CDS1: variants seen among roughly 807,000 people sequenced by gnomAD.
CDS1 encodes the protein CDP-diacylglycerol synthase 1.
A neutral mutation model predicts 62.1 loss-of-function variants in CDS1; 41 were observed. The observed-to-expected ratio is 0.66, with a 90% CI of 0.51 to 0.86. The LOEUF is 0.86. Among genes scored for constraint, CDS1 ranks in the 40% least tolerant of loss-of-function variants. CDS1 has a pLI of 0.00. For synonymous variants in CDS1, 185 were observed against 192.6 expected (o/e 0.96, Z 0.32); for missense variants, 470 against 550.1 (o/e 0.85, Z 1.46).
At position 84,583,612 on chromosome 4, in the gene CDS1, C is replaced by T. The variant is rs561844189; in HGVS notation, c.117+94C>T. 8.9e-5 allele frequency: 61 copies of T among 681,702 alleles called. No homozygotes were observed. In the African/African-American group the frequency reaches 1.1e-3, roughly 12 times the overall value. The allele number at this position is 681,702 out of a possible 1,614,324, so 42.2% of individuals were successfully genotyped here. On this transcript the variant is annotated intron_variant, in intron 1 of 12. Transcript: ENST00000295887. ...AGCAAGGGTGGGGCCCGTCCAGCGT[C>T]AGGTGAGGCTGCACGCTGCCGGTGC...
intron 10 of CDS1, 65 bp downstream of exon 10, chr4:84,641,055 ATTAT>A (rs972663061): frequency 5.0e-6 from 5 of 992,866 alleles, no homozygotes; most frequent in Non-Finnish European, 6.9e-6. Flanking sequence ...AGCTTCCTTT[ATTAT>A]TTATTTATTT....
At chr4:84,630,720 G>A (rs1008722752) in intron 5 of CDS1, among the ~76,000 whole-genome samples, 10 of 152,016 alleles carry the variant, frequency 6.6e-5, no homozygotes, top group African/African-American at 1.9e-4. Flanking sequence ...TGGGAGGATC[G>A]CTTGAGGCCA....
intron 5 of CDS1, 94 bp from the exon 6 acceptor site, chr4:84,631,725 C>CTGTGG (rs1194557388): frequency 3.2e-5 from 30 of 926,498 alleles, no homozygotes; most frequent in Non-Finnish European, 4.8e-5. Flanking sequence ...ATATGCCTAG[C>CTGTGG]TGTGATACAG....
At position 84,609,468 on chromosome 4, in the gene CDS1, T is replaced by G; in HGVS notation, c.285T>G (p.Thr95=). 6.2e-7 allele frequency: 1 copy of G among 1,611,644 alleles called. No homozygotes were observed. Among genetic ancestry groups the G allele is most frequent in the Non-Finnish European group, 8.5e-7 (1 of 1,177,930 alleles). ...GGATACGTGGAATTCTCACTCTAAC[T>G]ATGATCTCGTTGTTTTTCCTGATCA... ...NWWIRGILTL[T]MISLFFLIIY... Residue 95 remains threonine, a synonymous_variant, in exon 3 of 13, where the codon ACT becomes ACG. Coordinates refer to ENST00000295887, the MANE Select transcript of CDS1 (RefSeq NM_001263.4).
intron 6 of CDS1, among the ~76,000 whole-genome samples, chr4:84,632,750 CT>C (rs1381171551): frequency 4.6e-5 from 7 of 152,160 alleles, no homozygotes; most frequent in African/African-American, 1.7e-4. Flanking sequence ...AGAATTGGAT[CT>C]TTCAAGCAGA....
intron 5 of CDS1, among the ~76,000 whole-genome samples, chr4:84,625,793 G>A (rs1239341070): frequency 6.6e-6 from 1 of 151,646 alleles, no homozygotes; most frequent in Non-Finnish European, 1.5e-5. Flanking sequence ...AGACTAGATA[G>A]GAAGTTACTA....
intron 4 of CDS1, among the ~76,000 whole-genome samples, chr4:84,619,088 G>GCTCCCGC (rs1723591096): frequency 1.0e-5 from 1 of 99,414 alleles, no homozygotes; most frequent in African/African-American, 3.2e-5. Flanking sequence ...CACACACACT[G>GCTCCCGC]CTCCCGCCTC....
chr4:84,587,940 A>G (rs1722468949), intron 1 of CDS1, among the ~76,000 whole-genome samples: 1 of 152,214 alleles, frequency 6.6e-6, no homozygotes, highest in African/African-American at 2.4e-5. Context: ...AGATCCAGAC[A>G]AGAGAGAACC....
intron 2 of CDS1, among the ~76,000 whole-genome samples, chr4:84,608,364 C>T (rs573421340): frequency 9.1e-4 from 139 of 152,190 alleles, no homozygotes; most frequent in African/African-American, 3.1e-3. Context: ...TTAGTAGAGA[C>T]GGGGTTTCAC....
chr4:84,624,149 C>A (rs559561734), intron 5 of CDS1, among the ~76,000 whole-genome samples: 2 of 151,682 alleles, frequency 1.3e-5, no homozygotes, highest in Non-Finnish European at 2.9e-5. Flanking sequence ...TGGTGGGCGC[C>A]TATAGTCCCA....
At chr4:84,593,185 C>T (rs942394104) in intron 1 of CDS1, among the ~76,000 whole-genome samples, 4 of 151,986 alleles carry the variant, frequency 2.6e-5, no homozygotes, top group African/African-American at 9.7e-5. Context: ...GATAGTGCCC[C>T]CTGGAATTCT....
chr4:84,631,255 C>T (rs1415235872), intron 5 of CDS1, among the ~76,000 whole-genome samples: 3 of 151,860 alleles, frequency 2.0e-5, no homozygotes, highest in African/African-American at 7.3e-5. Context: ...TTATTAAAGC[C>T]CTTTGTGCAT....
intron 1 of CDS1, among the ~76,000 whole-genome samples, chr4:84,586,456 C>G: frequency 6.6e-6 from 1 of 152,088 alleles, no homozygotes; most frequent in East Asian, 1.9e-4. Context: ...GAACATGCAG[C>G]CTAGATCCCT....
At position 84,633,940 on chromosome 4, in the gene CDS1, G is replaced by A. The variant is rs768757896; in HGVS notation, c.722+1G>A. On this transcript the variant is annotated splice_donor_variant, in intron 7 of 12. Coordinates refer to ENST00000295887, the MANE Select transcript of CDS1 (RefSeq NM_001263.4). LOFTEE classifies it high-confidence loss of function. ...AAAATCTGTTTGAAGGCATGATATG[G>A]TAAGGCAACAGAATTATGCTGCTTT... 2.5e-6 allele frequency: 4 copies of A among 1,578,852 alleles called. No homozygotes were observed. Among genetic ancestry groups the A allele is most frequent in the Non-Finnish European group, 3.5e-6 (4 of 1,151,972 alleles).
At chr4:84,629,055 C>T (rs1045634856) in intron 5 of CDS1, among the ~76,000 whole-genome samples, 10 of 152,118 alleles carry the variant, frequency 6.6e-5, no homozygotes, top group Admixed American at 2.0e-4. Context: ...ACTACTACAA[C>T]ACATTCTGTG....
chr4:84,622,667 C>T (rs1723726669), intron 5 of CDS1, among the ~76,000 whole-genome samples: 2 of 152,106 alleles, frequency 1.3e-5, no homozygotes, highest in African/African-American at 2.4e-5. Flanking sequence ...TTAATATCTG[C>T]ACATTAGTTT....
chr4:84,645,164 G>A, intron 11 of CDS1, 58 bp from the exon 12 acceptor site: 1 of 1,083,036 alleles, frequency 9.2e-7, no homozygotes. Flanking sequence ...ACACAGATAG[G>A]AATTTTATAG....
At chr4:84,591,422 A>G (rs143177282) in intron 1 of CDS1, among the ~76,000 whole-genome samples, 146 of 152,310 alleles carry the variant, frequency 9.6e-4, no homozygotes, top group African/African-American at 3.3e-3. Context: ...ATTATAAGCA[A>G]GACACTGCTT....
intron 5 of CDS1, among the ~76,000 whole-genome samples, chr4:84,623,759 C>T (rs1204697505): frequency 6.6e-6 from 1 of 152,168 alleles, no homozygotes; most frequent in Non-Finnish European, 1.5e-5. Flanking sequence ...CTTAGCCGTT[C>T]TAACCCCAGG....
Sources: gnomAD v4.1 joint callset for allele counts (sites outside exome capture counted in the v4.1 genomes callset) on GRCh38, gnomAD v4.1.1 for gene constraint, MANE v1.5 for transcripts, NCBI Gene and HGNC (gene_info 2026-07-23, HGNC 2026-07-21) for gene names.